ALKBH8: variants seen among roughly 807,000 people sequenced by gnomAD.
ALKBH8 encodes tRNA (carboxymethyluridine(34)-5-O)-methyltransferase ALKBH8.
Under a neutral mutation model 59.8 loss-of-function variants are expected in ALKBH8, and 36 were observed. The observed-to-expected ratio is 0.60, with a 90% CI of 0.46 to 0.79. The LOEUF (loss-of-function observed/expected upper bound fraction) is 0.79. Among genes scored for constraint, ALKBH8 ranks in the 30% least tolerant of loss-of-function variants. ALKBH8 has a pLI of 0.00. For missense variants in ALKBH8, 768 were observed against 801.0 expected (o/e 0.96, Z 0.50); for synonymous variants, 276 against 273.6 (o/e 1.01, Z -0.09).
chr11:107,507,438 A>C (rs1268183877), intron 11 of ALKBH8, among the ~76,000 whole-genome samples: 1 of 152,190 alleles, frequency 6.6e-6, no homozygotes, highest in Non-Finnish European at 1.5e-5. Context: ...GGGTTTAAGG[A>C]GCTGGGAAAT....
chr11:107,523,993 A>C (rs905288981), intron 9 of ALKBH8, among the ~76,000 whole-genome samples: 1 of 152,112 alleles, frequency 6.6e-6, no homozygotes, highest in Non-Finnish European at 1.5e-5. Context: ...CCATTCCACA[A>C]TATATATGTA....
chr11:107,556,097 G>C (rs1215078078), intron 3 of ALKBH8, among the ~76,000 whole-genome samples: 1 of 152,126 alleles, frequency 6.6e-6, no homozygotes, highest in Non-Finnish European at 1.5e-5. Flanking sequence ...GGCCAACACG[G>C]TGAAACCCCA....
intron 8 of ALKBH8, among the ~76,000 whole-genome samples, chr11:107,530,501 G>A (rs560574904): frequency 2.8e-4 from 43 of 151,852 alleles, no homozygotes; most frequent in Non-Finnish European, 5.7e-4. Context: ...AATGATTGGT[G>A]TATCATTGGT....
intron 1 of ALKBH8, among the ~76,000 whole-genome samples, chr11:107,561,834 C>G (rs949823588): frequency 1.3e-5 from 2 of 152,182 alleles, no homozygotes; most frequent in Admixed American, 1.3e-4. Flanking sequence ...AGTGAATACA[C>G]ACAGTCTCAG....
At chr11:107,541,649 A>T (rs747318401) in intron 7 of ALKBH8, among the ~76,000 whole-genome samples, 3 of 152,212 alleles carry the variant, frequency 2.0e-5, no homozygotes, top group Non-Finnish European at 2.9e-5. Flanking sequence ...TATAAAATCT[A>T]GCTAAATAAC....
chr11:107,520,088 G>A (rs1863044197), intron 10 of ALKBH8, among the ~76,000 whole-genome samples: 1 of 152,108 alleles, frequency 6.6e-6, no homozygotes, highest in Non-Finnish European at 1.5e-5. Flanking sequence ...CCATTTTGAG[G>A]TTGTCACATT....
At position 107,552,712 on chromosome 11, in the gene ALKBH8, A is replaced by T. The variant is rs1864547145; in HGVS notation, c.595+396T>A. On this transcript the variant is annotated intron_variant, in intron 5 of 11. Transcript: ENST00000428149. ...TAGTGAACATAAACTTCAACATGAC[A>T]ATTCTACTTCTTAGTAGTCTCCCTT... 2.0e-5 allele frequency among the ~76,000 whole-genome samples: 3 copies of T among 152,324 alleles called. 1 individual carries two copies. In the South Asian group the frequency reaches 6.2e-4, roughly 32 times the overall value.
In ALKBH8 at chr11:107,504,613, T is replaced by G; in HGVS notation, c.*45A>C. ...AATTAATTTATTCTCTCTTTTTTTTTAAGTGAGCATTTCTTCTTTATATAT... is the reference window on the plus strand; with the variant it reads ...AATTAATTTATTCTCTCTTTTTTTTGAAGTGAGCATTTCTTCTTTATATAT... On this transcript the variant is annotated 3_prime_UTR_variant, in exon 12 of 12. Coordinates refer to ENST00000428149, the MANE Select transcript of ALKBH8 (RefSeq NM_138775.3). 1 of 1,521,388 alleles carries G rather than the reference T, an allele frequency of 6.6e-7. No homozygotes were observed. Among genetic ancestry groups the G allele is most frequent in the Admixed American group, 2.1e-5 (1 of 47,770 alleles). 94.2% of individuals were successfully genotyped at this position (1,521,388 alleles called of 1,614,324 possible). A position where few individuals can be genotyped will look rare whatever the true frequency, so the allele number is the denominator to read the frequency against.
chr11:107,544,609 C>A (rs1405016221), intron 7 of ALKBH8, among the ~76,000 whole-genome samples: 1 of 152,098 alleles, frequency 6.6e-6, no homozygotes, highest in African/African-American at 2.4e-5. Flanking sequence ...TTCTGGCCCA[C>A]AAACCAGCAG....
intron 10 of ALKBH8, among the ~76,000 whole-genome samples, chr11:107,512,080 T>A (rs1425526919): frequency 6.6e-6 from 1 of 152,146 alleles, no homozygotes; most frequent in Non-Finnish European, 1.5e-5. Context: ...GCATGCCTTA[T>A]GTATGCATCT....
chr11:107,508,587 C>T (rs1221679934), intron 11 of ALKBH8, among the ~76,000 whole-genome samples: 3 of 152,098 alleles, frequency 2.0e-5, no homozygotes, highest in Non-Finnish European at 4.4e-5. Context: ...GGTTGTGCAA[C>T]CATCACTATT....
chr11:107,510,599 G>A (rs908829735), intron 11 of ALKBH8, among the ~76,000 whole-genome samples: 1 of 152,138 alleles, frequency 6.6e-6, no homozygotes, highest in Non-Finnish European at 1.5e-5. Context: ...CTGTGACTCT[G>A]GGTTTAAAGG....
intron 3 of ALKBH8, among the ~76,000 whole-genome samples, chr11:107,556,341 G>T (rs1864710474): frequency 6.6e-6 from 1 of 152,100 alleles, no homozygotes; most frequent in South Asian, 2.1e-4. Context: ...GTAGCTACAG[G>T]TGTTCTGCTA....
intron 7 of ALKBH8, among the ~76,000 whole-genome samples, chr11:107,546,778 G>C (rs543633771): frequency 6.6e-6 from 1 of 152,202 alleles, no homozygotes; most frequent in South Asian, 2.1e-4. Context: ...CTTAGTTGTA[G>C]AGGGAAAACT....
chr11:107,559,864 T>G (rs1453446932), intron 2 of ALKBH8, among the ~76,000 whole-genome samples: 1 of 152,026 alleles, frequency 6.6e-6, no homozygotes, highest in Admixed American at 6.6e-5. Context: ...GGTCTGAGAG[T>G]TGAGAGGCCT....
chr11:107,525,522 C>T lies in ALKBH8; in HGVS notation c.949G>A (p.Val317Ile), dbSNP rs1345587834. Residue 317 changes from valine (V) to isoleucine (I), a missense_variant, in exon 9 of 12, where the codon GTT (valine) becomes ATT (isoleucine). Val to Ile is a conservative substitution (Grantham distance 29). Coordinates refer to ENST00000428149, the MANE Select transcript of ALKBH8 (RefSeq NM_138775.3). ...CTCTTGCTTAAAGTTAAGTCTCCAA[C>T]ATCACTGGTGATAATTCCACTTTTA... Reference protein sequence around the residue: ...SLKSGIITSDVGDLTLSKRGL... With the variant: ...SLKSGIITSDIGDLTLSKRGL... 1.3e-6 allele frequency: 2 copies of T among 1,537,626 alleles called. No individual in the cohort carries two copies. Among genetic ancestry groups the T allele is most frequent in the East Asian group, 2.5e-5 (1 of 39,712 alleles).
At chr11:107,561,617 C>T (rs191718996) in intron 1 of ALKBH8, among the ~76,000 whole-genome samples, 1 of 152,144 alleles carries the variant, frequency 6.6e-6, no homozygotes, top group South Asian at 2.1e-4. Flanking sequence ...TATAATCACA[C>T]CATCCAAATC....
At chr11:107,544,067 A>ACC (rs1864153940) in intron 7 of ALKBH8, among the ~76,000 whole-genome samples, 1 of 152,224 alleles carries the variant, frequency 6.6e-6, no homozygotes, top group Non-Finnish European at 1.5e-5. Flanking sequence ...TTTCATCTAT[A>ACC]CCACTTAAGC....
At chr11:107,508,699 G>A (rs1170878471) in intron 11 of ALKBH8, among the ~76,000 whole-genome samples, 1 of 152,028 alleles carries the variant, frequency 6.6e-6, no homozygotes, top group Non-Finnish European at 1.5e-5. Flanking sequence ...GGTAACAACT[G>A]TTCCACTTTC....
Sources: gnomAD v4.1 joint callset for allele counts (sites outside exome capture counted in the v4.1 genomes callset) on GRCh38, gnomAD v4.1.1 for gene constraint, MANE v1.5 for transcripts, NCBI Gene and HGNC (gene_info 2026-07-23, HGNC 2026-07-21) for gene names.